BAIAP2L1: variants seen among roughly 807,000 people sequenced by gnomAD.
BAIAP2L1 encodes the protein BAR/IMD domain containing adaptor protein 2 like 1, also known as BAR/IMD domain-containing adapter protein 2-like 1.
A neutral mutation model predicts 66.3 loss-of-function variants in BAIAP2L1; 35 were observed. The ratio of observed to expected loss-of-function variants is 0.53; its 90% confidence interval spans 0.40 to 0.70. The LOEUF is 0.70. Ranked by LOEUF, BAIAP2L1 falls within the 30% of genes least tolerant of loss-of-function variation. The pLI is 0.00. For synonymous variants in BAIAP2L1, 269 were observed against 248.7 expected (o/e 1.08, Z -0.77); for missense variants, 622 against 656.9 (o/e 0.95, Z 0.58).
chr7:98,346,986 T>C (rs1275729162), intron 3 of BAIAP2L1, among the ~76,000 whole-genome samples: 1 of 143,712 alleles, frequency 7.0e-6, no homozygotes. Flanking sequence ...GGGAAAGCGA[T>C]GCCAGCAAAA....
At position 98,320,232 on chromosome 7, in the gene BAIAP2L1, C is replaced by T. The variant is rs749810319; in HGVS notation, c.276+5G>A. On this transcript the variant is annotated splice_donor_5th_base_variant and intron_variant, in intron 4 of 13. Coordinates refer to ENST00000005260, the MANE Select transcript of BAIAP2L1 (RefSeq NM_018842.5). ...ATTTTGTAAATAGAAACACAGATCA[C>T]GTACATTTTCATCAAGACTCTCGTT... The T allele has an allele frequency of 6.2e-6, 10 of 1,605,708 alleles. No individual in the cohort carries two copies. The highest frequency in any genetic ancestry group is 1.3e-5 in the African/African-American group (1 of 74,646).
rs756844141 is a variant in BAIAP2L1, at chr7:98,400,866, G to A, written c.-14C>T. On this transcript the variant is annotated 5_prime_UTR_variant, in exon 1 of 14. Coordinates refer to ENST00000005260, the MANE Select transcript of BAIAP2L1 (RefSeq NM_018842.5). ...CCCCCGGGACATGGCTGCGGCCGCC[G>A]GGCGAGCAAGCGCGGGAGGACGCGG... 3 of 1,537,192 alleles carry A rather than the reference G, an allele frequency of 2.0e-6. No homozygotes were observed. Among genetic ancestry groups the A allele is most frequent in the Middle Eastern group, 1.7e-4 (1 of 5,736 alleles).
At chr7:98,343,756 G>A (rs1423328435) in intron 3 of BAIAP2L1, among the ~76,000 whole-genome samples, 1 of 152,190 alleles carries the variant, frequency 6.6e-6, no homozygotes, top group African/African-American at 2.4e-5. Context: ...ATCTTCTACT[G>A]TCTGGGTAAG....
At chr7:98,310,662 T>C in intron 8 of BAIAP2L1, 70 bp from the exon 9 acceptor site, 7 of 1,251,512 alleles carry the variant, frequency 5.6e-6, no homozygotes, top group Non-Finnish European at 7.5e-6. Context: ...TTCCCAAGGC[T>C]GTTTTTTTTT....
chr7:98,317,883 A>G (rs1801126946), intron 5 of BAIAP2L1, among the ~76,000 whole-genome samples: 1 of 145,824 alleles, frequency 6.9e-6, no homozygotes, highest in Admixed American at 6.8e-5. Context: ...TCTGCAGTTC[A>G]CACCATCTGC....
rs143916467 is a variant in BAIAP2L1, at chr7:98,307,251, G to A, written c.1163+438C>T. 1,452 of 308,190 alleles carry A rather than the reference G, an allele frequency of 4.7e-3. 19 individuals carry two copies. Among genetic ancestry groups the A allele is most frequent in the African/African-American group, 0.031 (1,368 of 44,298 alleles). The allele number at this position is 308,190 out of a possible 1,614,324, so 19.1% of individuals were successfully genotyped here. On this transcript the variant is annotated intron_variant, in intron 10 of 13. Transcript: ENST00000005260. ...CTCCCGAGTAGCTGGGATTACAGGC[G>A]CCTGCCACCACGCCTGGCTAATTTT...
chr7:98,389,213 T>C (rs2115835284), intron 1 of BAIAP2L1, among the ~76,000 whole-genome samples: 1 of 152,230 alleles, frequency 6.6e-6, no homozygotes, highest in African/African-American at 2.4e-5. Context: ...TCCCTCCTCC[T>C]AACTCAGCAT....
chr7:98,371,460 A>G (rs1005805160), intron 1 of BAIAP2L1, among the ~76,000 whole-genome samples: 1 of 152,216 alleles, frequency 6.6e-6, no homozygotes, highest in African/African-American at 2.4e-5. Flanking sequence ...TATTCTAAAT[A>G]AAATGTTGGA....
intron 3 of BAIAP2L1, among the ~76,000 whole-genome samples, chr7:98,350,147 C>A (rs2115672350): frequency 6.6e-6 from 1 of 151,886 alleles, no homozygotes. Flanking sequence ...GACTGGAAAA[C>A]AAGGCTAGAA....
chr7:98,395,895 C>T (rs1369087063), intron 1 of BAIAP2L1, among the ~76,000 whole-genome samples: 3 of 151,976 alleles, frequency 2.0e-5, no homozygotes, highest in Non-Finnish European at 4.4e-5. Flanking sequence ...CCGGGCATGG[C>T]GGTGCATGTG....
rs899141577 is a variant in BAIAP2L1 at position 98,343,167 on chromosome 7, G to T, written c.214+11875C>A. Among the ~76,000 whole-genome samples the T allele has an allele frequency of 1.1e-4, 17 of 151,824 alleles. 1 individual carries two copies. Among genetic ancestry groups the T allele is most frequent in the African/African-American group, 3.9e-4 (16 of 41,378 alleles). ...AATCCTAGCACTTTGGGAGGCTGAG[G>T]TGGGTGGAACACTTGAGGTCAGGAG... On this transcript the variant is annotated intron_variant, in intron 3 of 13. Coordinates refer to ENST00000005260, the MANE Select transcript of BAIAP2L1 (RefSeq NM_018842.5).
At chr7:98,319,837 C>CCTGGCCTGTAAT (rs1801194211) in intron 5 of BAIAP2L1, among the ~76,000 whole-genome samples, 1 of 152,202 alleles carries the variant, frequency 6.6e-6, no homozygotes, top group Non-Finnish European at 1.5e-5. Flanking sequence ...AGGCATGAGC[C>CCTGGCCTGTAAT]ACCGCACCTG....
At position 98,315,626 on chromosome 7, in the gene BAIAP2L1, AATAAT is replaced by A. The variant is rs1445445409; in HGVS notation, c.487-19_487-15del. On this transcript the variant is annotated splice_polypyrimidine_tract_variant and intron_variant, in intron 6 of 13. Transcript: ENST00000005260. Reference sequence around the variant, plus strand: ...GGTCTCCACATACTAAAAAAAAAAAAATAATAATAATAATAATTATATAAGCATGA... The same window carrying A: ...GGTCTCCACATACTAAAAAAAAAAAAAATAATAATAATTATATAAGCATGA... The A allele has an allele frequency of 8.4e-6, 9 of 1,077,172 alleles. No homozygotes were observed. The highest frequency in any genetic ancestry group is 3.3e-5 in the East Asian group (1 of 30,096). 66.7% of individuals were successfully genotyped at this position (1,077,172 alleles called of 1,614,324 possible).
chr7:98,393,506 AT>A (rs982246272), intron 1 of BAIAP2L1, among the ~76,000 whole-genome samples: 1 of 150,376 alleles, frequency 6.6e-6, no homozygotes, highest in East Asian at 2.0e-4. Flanking sequence ...CTATTTATTT[AT>A]TTTTTTTTGA....
Position 98,401,070 on chromosome 7 carries a change from A to C in BAIAP2L1, c.-218T>G. ...GGCCTTCTTCGAGGAGCAGAGGAGA[A>C]GCGGCCGGACGCCGCCAGAGGAAGC... On this transcript the variant is annotated 5_prime_UTR_variant, in exon 1 of 14. Coordinates refer to ENST00000005260, the MANE Select transcript of BAIAP2L1 (RefSeq NM_018842.5). The C allele has an allele frequency of 2.1e-4, 72 of 338,986 alleles. No homozygotes were observed. Among genetic ancestry groups the C allele is most frequent in the Middle Eastern group, 1.7e-3 (2 of 1,180 alleles). The allele number at this position is 338,986 out of a possible 1,614,324, so 21.0% of individuals were successfully genotyped here. A position where few individuals can be genotyped will look rare whatever the true frequency, so the allele number is the denominator to read the frequency against.
At chr7:98,400,651 G>T in intron 1 of BAIAP2L1, 151 bp downstream of exon 1, 1 of 853,544 alleles carries the variant, frequency 1.2e-6, no homozygotes. Context: ...GGCTGTGGAG[G>T]GCCAGGGGAG....
At chr7:98,353,445 T>C (rs1353509087) in intron 3 of BAIAP2L1, among the ~76,000 whole-genome samples, 4 of 136,920 alleles carry the variant, frequency 2.9e-5, no homozygotes, top group African/African-American at 5.4e-5. Context: ...TATAAATATA[T>C]ATACATACAT....
intron 1 of BAIAP2L1, among the ~76,000 whole-genome samples, chr7:98,388,984 A>C (rs572689987): frequency 8.8e-5 from 11 of 125,202 alleles, no homozygotes; most frequent in Admixed American, 5.7e-4. Flanking sequence ...AAAAAAAAAA[A>C]CAAAAAACAA....
chr7:98,400,234 C>T (rs867918212), intron 1 of BAIAP2L1: 16 of 130,294 alleles, frequency 1.2e-4, no homozygotes, highest in Middle Eastern at 7.3e-3. Context: ...CTCCAGAGCT[C>T]TGAGGGTCAG....
Sources: allele counts gnomAD v4.1 joint callset (sites outside exome capture counted in the v4.1 genomes callset), GRCh38; gene constraint gnomAD v4.1.1; transcripts MANE v1.5; gene names NCBI Gene and HGNC (gene_info 2026-07-23, HGNC 2026-07-21).